The following DLG5 variants were observed in gnomAD, a reference collection of about 807,000 sequenced individuals.
DLG5 encodes discs large MAGUK scaffold protein 5.
In DLG5, 48 loss-of-function variants were observed where a neutral mutation model predicts 189.8. The ratio of observed to expected loss-of-function variants is 0.25; its 90% CI spans 0.20 to 0.32. The LOEUF is 0.32. DLG5 is among the 10% of genes least tolerant of loss of function. The pLI, the probability that DLG5 is intolerant of heterozygous loss-of-function variation, is 1.00. For missense variants in DLG5, 2,160 were observed against 2,544.7 expected (o/e 0.85, Z 3.25); for synonymous variants, 1,016 against 1,054.1 (o/e 0.96, Z 0.70).
chr10:77,821,893 C>T lies in DLG5; in HGVS notation c.2591G>A (p.Ser864Asn), dbSNP rs201156856. 1.2e-6 allele frequency: 2 copies of T among 1,614,218 alleles called. No homozygotes were observed. The highest frequency in any genetic ancestry group is 1.7e-6 in the Non-Finnish European group (2 of 1,180,030). Residue 864 changes from serine to asparagine, a missense_variant, in exon 15 of 32, where the codon AGC becomes AAC. By Grantham distance (46) the Ser-to-Asn change is conservative. Around this residue, in one of 5 missense-constraint regions of DLG5, gnomAD observed 754 missense variants for 746.5 expected, o/e 1.01. Transcript: ENST00000372391. The part of the protein sequence containing the change: ...DRKEPGPPGG[S>N]SSFLHKPFPG... ...GAATGGCTTATGCAGAAAGGAGCTG[C>T]TGCCTCCTGGGGGGCCTGGCTCCTT...
intron 2 of DLG5, among the ~76,000 whole-genome samples, chr10:77,859,570 A>G (rs1844391773): frequency 6.6e-6 from 1 of 152,272 alleles, no homozygotes; most frequent in Non-Finnish European, 1.5e-5. Flanking sequence ...TAGCCAGTAC[A>G]GTACCATGCT....
intron 26 of DLG5, 37 bp downstream of exon 26, chr10:77,806,718 ACCC>A: frequency 1.6e-5 from 21 of 1,333,626 alleles, no homozygotes; most frequent in Non-Finnish European, 2.0e-5. Context: ...GCCCTCGGCG[ACCC>A]CTGCCCCACC....
At chr10:77,829,751 C>A (rs1842813989) in intron 11 of DLG5, among the ~76,000 whole-genome samples, 1 of 152,220 alleles carries the variant, frequency 6.6e-6, no homozygotes, top group Non-Finnish European at 1.5e-5. Context: ...AGTTGTATGA[C>A]CTAGCCCCTC....
intron 5 of DLG5, among the ~76,000 whole-genome samples, chr10:77,850,634 C>T (rs1843922787): frequency 1.3e-5 from 2 of 152,144 alleles, no homozygotes; most frequent in African/African-American, 4.8e-5. Context: ...ATCATTTATT[C>T]CCACCAACAA....
At chr10:77,894,107 T>A (rs1266251848) in intron 1 of DLG5, among the ~76,000 whole-genome samples, 3 of 152,226 alleles carry the variant, frequency 2.0e-5, no homozygotes, top group Non-Finnish European at 4.4e-5. Flanking sequence ...CTACTCAGAA[T>A]CTGAACCCTA....
intron 2 of DLG5, chr10:77,866,936 C>A (rs569650548): frequency 2.2e-6 from 1 of 456,264 alleles, no homozygotes; most frequent in Non-Finnish European, 4.4e-6. Flanking sequence ...AGAGGCTTTG[C>A]CCAGAAGGGA....
At chr10:77,931,251 C>T (rs969785524), upstream of DLG5, among the ~76,000 whole-genome samples, 5 of 151,840 alleles carry the variant, frequency 3.3e-5, no homozygotes, top group South Asian at 4.2e-4. Context: ...CACTGTGCCC[C>T]GCCCTATTTA....
chr10:77,907,304 C>A (rs1168028772), intron 1 of DLG5, among the ~76,000 whole-genome samples: 1 of 152,176 alleles, frequency 6.6e-6, no homozygotes, highest in African/African-American at 2.4e-5. Flanking sequence ...ACTGGGCCGG[C>A]GCGGTGACTC....
chr10:77,811,829 C>G, intron 22 of DLG5, 95 bp downstream of exon 22: 1 of 1,454,648 alleles, frequency 6.9e-7, no homozygotes, highest in South Asian at 1.4e-5. Context: ...CCAGAACTTA[C>G]GGCTGGCACC....
chr10:77,853,147 ATTT>A (rs71030909), intron 5 of DLG5, among the ~76,000 whole-genome samples: 3 of 143,804 alleles, frequency 2.1e-5, no homozygotes, highest in Non-Finnish European at 1.5e-5. Flanking sequence ...TGTCCAGCTA[ATTT>A]TTTTTTTTTT....
In DLG5 at chr10:77,793,917, C is replaced by T. The variant is rs528076535; in HGVS notation, c.5656+91G>A. ...AGCACTTGGGAGCATGTAGAAAGTG[C>T]GGGCTTCTCCACGGCTAAGAAAACA... On this transcript the variant is annotated intron_variant, in intron 31 of 31. Transcript: ENST00000372391. 20 of 1,196,176 alleles carry T rather than the reference C, an allele frequency of 1.7e-5. 1 individual carries two copies. Among genetic ancestry groups the T allele is most frequent in the South Asian group, 1.5e-4 (12 of 79,458 alleles). 74.1% of individuals were successfully genotyped at this position (1,196,176 alleles called of 1,614,324 possible). A position where few individuals can be genotyped will look rare whatever the true frequency, so the allele number is the denominator to read the frequency against.
chr10:77,904,683 G>A (rs1846022626), intron 1 of DLG5, among the ~76,000 whole-genome samples: 1 of 151,644 alleles, frequency 6.6e-6, no homozygotes, highest in Non-Finnish European at 1.5e-5. Flanking sequence ...CACATTGTAA[G>A]CAGTGCCTTT....
In DLG5 at chr10:77,796,028, G is replaced by A; in HGVS notation, c.5436+33C>T. On this transcript the variant is annotated intron_variant, in intron 29 of 31. Transcript: ENST00000372391. This position sits in a 1 kb window ranked among gnomAD's most constrained non-coding sequence, Gnocchi z 5.2. Reference sequence around the variant, plus strand: ...CCTGTGCACAGGAGGTCTAATACTGGATGCCTAATCCTCAGACTGAAGCCC... The same window carrying A: ...CCTGTGCACAGGAGGTCTAATACTGAATGCCTAATCCTCAGACTGAAGCCC... The A allele has an allele frequency of 6.2e-7, 1 of 1,614,004 alleles. No homozygotes were observed. Among genetic ancestry groups the A allele is most frequent in the East Asian group, 2.2e-5 (1 of 44,882 alleles).
chr10:77,895,314 G>A (rs1422604593), intron 1 of DLG5, among the ~76,000 whole-genome samples: 1 of 152,214 alleles, frequency 6.6e-6, no homozygotes, highest in Non-Finnish European at 1.5e-5. Context: ...TTGGTCTGCA[G>A]TGACCCTAGC....
At chr10:77,843,782 T>C in intron 5 of DLG5, 76 bp from the exon 6 acceptor site, 1 of 1,586,124 alleles carries the variant, frequency 6.3e-7, no homozygotes, top group Admixed American at 1.7e-5. Context: ...CACTTTTGTC[T>C]ATCTGAGGGT....
chr10:77,811,119 G>A lies in DLG5; in HGVS notation c.4438C>T (p.Pro1480Ser), dbSNP rs763821760. 3.7e-6 allele frequency: 6 copies of A among 1,612,166 alleles called. No individual in the cohort carries two copies. In the Admixed American group the frequency reaches 5.0e-5, roughly 13 times the overall value. ...LMEQDEGPST[P>S]PAKQSSSRIA... ...CTGGAGCTGCTCTGCTTGGCTGGGG[G>A]GGTGCTAGGCCCCTCGTCCTGCTCC... Residue 1480 changes from proline to serine, a missense_variant, in exon 23 of 32, where the codon CCC becomes TCC. This residue lies in a region of DLG5 where 574 missense variants were observed against 644.2 expected (regional missense o/e 0.89). Coordinates refer to ENST00000372391, the MANE Select transcript of DLG5 (RefSeq NM_004747.4).
intron 1 of DLG5, among the ~76,000 whole-genome samples, chr10:77,903,382 T>G (rs1477565287): frequency 6.6e-6 from 1 of 150,448 alleles, no homozygotes; most frequent in Non-Finnish European, 1.5e-5. Flanking sequence ...GAGCTGAGAT[T>G]GCACCACTGC....
chr10:77,893,604 T>C lies in DLG5; in HGVS notation c.305-24407A>G, dbSNP rs139868576. On this transcript the variant is annotated intron_variant, in intron 1 of 31. Coordinates refer to ENST00000372391, the MANE Select transcript of DLG5 (RefSeq NM_004747.4). ...ATGGGCAGCAGTGCTGGGCTGTGACTTGCCAAGTCCATAGTCAGTCCCTGA... is the reference window on the plus strand; with the variant it reads ...ATGGGCAGCAGTGCTGGGCTGTGACCTGCCAAGTCCATAGTCAGTCCCTGA... Among the ~76,000 whole-genome samples the C allele has an allele frequency of 3.6e-3, 552 of 152,350 alleles. 3 individuals carry two copies. Among genetic ancestry groups the C allele is most frequent in the South Asian group, 0.024 (118 of 4,830 alleles).
chr10:77,801,632 G>A (rs1037846166), intron 27 of DLG5, among the ~76,000 whole-genome samples: 2 of 152,182 alleles, frequency 1.3e-5, no homozygotes, highest in Admixed American at 6.5e-5. Flanking sequence ...AAAACCACAC[G>A]GGGGAAGCAC....
Sources: allele counts gnomAD v4.1 joint callset (sites outside exome capture counted in the v4.1 genomes callset), GRCh38; gene constraint gnomAD v4.1.1; regional missense constraint gnomAD v4.1.1; non-coding constraint Gnocchi (gnomAD v3.1); transcripts MANE v1.5; gene names NCBI Gene and HGNC (gene_info 2026-07-23, HGNC 2026-07-21).